PRDM16: variants seen among roughly 807,000 people sequenced by gnomAD.
The protein encoded by PRDM16 is PR/SET domain 16, also known as histone-lysine N-methyltransferase PRDM16.
In PRDM16, 23 loss-of-function variants were observed where a neutral mutation model predicts 110.6. The ratio of observed to expected loss-of-function variants is 0.21; its 90% CI spans 0.15 to 0.29. The LOEUF is 0.29. Ranked by LOEUF, PRDM16 falls within the 10% of genes least tolerant of loss-of-function variation. The pLI, the probability that PRDM16 is intolerant of heterozygous loss-of-function variation, is 1.00. For synonymous variants in PRDM16, 799 were observed against 781.8 expected, an observed-to-expected ratio of 1.02 and a Z score of -0.37; for missense variants, 1,615 against 1,794.3, an observed-to-expected ratio of 0.90 and a Z score of 1.81.
chr1:3,233,220 C>T (rs143128431), intron 2 of PRDM16, among the ~76,000 whole-genome samples: 18 of 152,216 alleles, frequency 1.2e-4, no homozygotes, highest in African/African-American at 3.4e-4. Context: ...GGCCGGTGGC[C>T]GCGCGGTGCC....
intron 3 of PRDM16, among the ~76,000 whole-genome samples, chr1:3,274,906 C>G (rs1294831024): frequency 1.3e-5 from 2 of 152,338 alleles, no homozygotes; most frequent in Middle Eastern, 3.4e-3. Flanking sequence ...ACACATGGCA[C>G]CTGCTCAAGG....
At chr1:3,093,055 G>A (rs978306777) in intron 1 of PRDM16, among the ~76,000 whole-genome samples, 4 of 152,162 alleles carry the variant, frequency 2.6e-5, no homozygotes, top group Non-Finnish European at 4.4e-5. Context: ...GCCAGCCCTG[G>A]CTGACCGCCC....
At chr1:3,149,862 C>G (rs888623894) in intron 1 of PRDM16, among the ~76,000 whole-genome samples, 5 of 152,318 alleles carry the variant, frequency 3.3e-5, no homozygotes, top group South Asian at 4.1e-4. Flanking sequence ...GCCAGGGACA[C>G]GGGTTTTCTG....
intron 1 of PRDM16, among the ~76,000 whole-genome samples, chr1:3,155,438 G>T (rs952135643): frequency 6.6e-6 from 1 of 152,230 alleles, no homozygotes; most frequent in Non-Finnish European, 1.5e-5. Flanking sequence ...TGGTGGTATC[G>T]CTGTACACAG....
intron 1 of PRDM16, among the ~76,000 whole-genome samples, chr1:3,141,563 G>A (rs1643550189): frequency 2.6e-5 from 4 of 152,246 alleles, no homozygotes; most frequent in Admixed American, 2.6e-4. Context: ...GCCCGGCCAG[G>A]CCTCTGCCCG....
intron 1 of PRDM16, among the ~76,000 whole-genome samples, chr1:3,129,867 C>CCTG (rs36033160): frequency 0.098 from 14,924 of 152,128 alleles, 1,815 homozygotes; most frequent in African/African-American, 0.27. Flanking sequence ...ATTTTCTCTC[C>CCTG]TCTCTCAGTC....
chr1:3,326,784 G>C (rs1303146083), intron 3 of PRDM16, among the ~76,000 whole-genome samples: 1 of 152,214 alleles, frequency 6.6e-6, no homozygotes, highest in African/African-American at 2.4e-5. Flanking sequence ...CCCCCCACCA[G>C]CCGCCGCGTG....
chr1:3,194,489 C>T (rs966916741), intron 2 of PRDM16, among the ~76,000 whole-genome samples: 4 of 152,084 alleles, frequency 2.6e-5, no homozygotes, highest in East Asian at 1.9e-4. Context: ...CTGGGGACCT[C>T]GGCTCAGGCT....
chr1:3,250,625 A>G (rs759500352), intron 3 of PRDM16, among the ~76,000 whole-genome samples: 2 of 152,072 alleles, frequency 1.3e-5, no homozygotes, highest in African/African-American at 4.8e-5. Flanking sequence ...TGCTGGTGCC[A>G]TGGTCTCTAC....
chr1:3,174,157 GGT>G (rs1644059847), intron 1 of PRDM16, among the ~76,000 whole-genome samples: 1 of 152,156 alleles, frequency 6.6e-6, no homozygotes, highest in Non-Finnish European at 1.5e-5. Flanking sequence ...CCCAGCTTCT[GGT>G]GGCTCCAGGC....
chr1:3,238,002 G>A (rs1639576709), intron 2 of PRDM16: 1 of 152,466 alleles, frequency 6.6e-6, no homozygotes, highest in African/African-American at 2.4e-5. Context: ...ATGGGGTTGG[G>A]GGCGAAGATG....
intron 1 of PRDM16, among the ~76,000 whole-genome samples, chr1:3,152,871 G>T (rs1643801627): frequency 6.6e-6 from 1 of 152,206 alleles, no homozygotes; most frequent in South Asian, 2.1e-4. Context: ...CATCCTTGGT[G>T]CCTGCTTTCC....
At chr1:3,087,062 C>T (rs1448923431) in intron 1 of PRDM16, among the ~76,000 whole-genome samples, 4 of 152,214 alleles carry the variant, frequency 2.6e-5, no homozygotes, top group African/African-American at 9.6e-5. Flanking sequence ...CATATGGAAA[C>T]GCTGCACGTG....
chr1:3,327,069 C>T (rs543851855), intron 3 of PRDM16, among the ~76,000 whole-genome samples: 1 of 152,374 alleles, frequency 6.6e-6, no homozygotes, highest in Non-Finnish European at 1.5e-5. Flanking sequence ...GCCCAGCCTG[C>T]AGGCAAGGCG....
intron 9 of PRDM16, among the ~76,000 whole-genome samples, chr1:3,413,562 G>T (rs1482317104): frequency 6.6e-6 from 1 of 152,180 alleles, no homozygotes; most frequent in Non-Finnish European, 1.5e-5. Flanking sequence ...ACCTGTCCCT[G>T]TGCTCCCCGC....
chr1:3,336,932 CAT>C (rs1487149401), intron 3 of PRDM16, among the ~76,000 whole-genome samples: 6 of 134,900 alleles, frequency 4.4e-5, no homozygotes, highest in African/African-American at 8.5e-5. Context: ...CTTGTATGCA[CAT>C]GTGTTGGTGT....
At chr1:3,141,345 G>T (rs77192050) in intron 1 of PRDM16, among the ~76,000 whole-genome samples, 1 of 152,306 alleles carries the variant, frequency 6.6e-6, no homozygotes, top group African/African-American at 2.4e-5. Flanking sequence ...TTTATGACTG[G>T]TGCCTGCAAT....
intron 3 of PRDM16, among the ~76,000 whole-genome samples, chr1:3,281,180 A>G (rs936694907): frequency 2.6e-5 from 4 of 152,162 alleles, no homozygotes; most frequent in African/African-American, 9.7e-5. Context: ...GTCCTCTTCA[A>G]CTCGAAACGT....
chr1:3,403,484 A>G (rs1643509046), intron 6 of PRDM16, among the ~76,000 whole-genome samples: 1 of 152,314 alleles, frequency 6.6e-6, no homozygotes, highest in Admixed American at 6.5e-5. Context: ...TCCTTCTCAG[A>G]TGGTAGGCAA....
Sources: gnomAD v4.1 joint callset for allele counts (sites outside exome capture counted in the v4.1 genomes callset) on GRCh38, gnomAD v4.1.1 for gene constraint, MANE v1.5 for transcripts, NCBI Gene and HGNC (gene_info 2026-07-23, HGNC 2026-07-21) for gene names.